UQCC1: variants seen among roughly 807,000 people sequenced by gnomAD.
UQCC1 encodes ubiquinol-cytochrome c reductase complex assembly factor 1, also known as bFGF-repressed Zic-binding protein.
UQCC1 carries 38 observed loss-of-function variants against 48.0 expected under a neutral mutation model. That is an observed-to-expected ratio of 0.79 (90% CI 0.61 to 1.04). The LOEUF is 1.04. UQCC1 is among the 50% of genes least tolerant of loss of function. UQCC1 has a pLI of 0.00. For missense variants in UQCC1, 368 were observed against 381.8 expected (o/e 0.96, Z 0.30); for synonymous variants, 111 against 129.2 (o/e 0.86, Z 0.95).
At chr20:35,384,966 CAAAAAAAAAAA>C (rs57141083) in intron 2 of UQCC1, among the ~76,000 whole-genome samples, 11 of 69,762 alleles carry the variant, frequency 1.6e-4, no homozygotes, top group African/African-American at 6.9e-4. Flanking sequence ...GAATCGGTCT[CAAAAAAAAAAA>C]AAAAAAAAAA....
At chr20:35,379,539 C>T (rs2061841690) in intron 4 of UQCC1, among the ~76,000 whole-genome samples, 4 of 152,204 alleles carry the variant, frequency 2.6e-5, no homozygotes, top group Admixed American at 1.3e-4. Context: ...CGCAGTGGCT[C>T]AATCCTATAA....
chr20:35,379,796 ACT>A (rs1170444731), intron 4 of UQCC1, among the ~76,000 whole-genome samples: 2 of 152,072 alleles, frequency 1.3e-5, no homozygotes, highest in Non-Finnish European at 2.9e-5. Context: ...ACAGAGTGAG[ACT>A]CTGTCTCAAA....
chr20:35,366,970 T>G (rs2061674725), intron 5 of UQCC1, among the ~76,000 whole-genome samples: 1 of 151,692 alleles, frequency 6.6e-6, no homozygotes. Flanking sequence ...GGTGGGCGCC[T>G]GTAATCCCAG....
intron 7 of UQCC1, among the ~76,000 whole-genome samples, chr20:35,341,875 T>TTAA (rs1203977159): frequency 6.6e-6 from 1 of 152,128 alleles, no homozygotes; most frequent in East Asian, 1.9e-4. Flanking sequence ...GTTCACTGAG[T>TTAA]GCTTACTAAG....
chr20:35,386,268 C>A, intron 2 of UQCC1: 1 of 423,880 alleles, frequency 2.4e-6, no homozygotes, highest in Non-Finnish European at 4.6e-6. Context: ...CTCACTAATG[C>A]TATATTACCT....
chr20:35,312,094 C>T (rs1467502060), intron 8 of UQCC1, among the ~76,000 whole-genome samples: 1 of 152,146 alleles, frequency 6.6e-6, no homozygotes, highest in Non-Finnish European at 1.5e-5. Flanking sequence ...ATAGAGCCAC[C>T]TGCAATAAAG....
chr20:35,386,992 A>G (rs940251928), intron 2 of UQCC1, among the ~76,000 whole-genome samples: 2 of 152,048 alleles, frequency 1.3e-5, no homozygotes, highest in African/African-American at 4.8e-5. Context: ...GAAAATATCA[A>G]TAGGCTGGGC....
intron 1 of UQCC1, among the ~76,000 whole-genome samples, chr20:35,402,608 CAAACA>C (rs1482196777): frequency 7.9e-6 from 1 of 126,630 alleles, no homozygotes; most frequent in Non-Finnish European, 1.6e-5. Flanking sequence ...AACAAACAAA[CAAACA>C]AAATATATAT....
At chr20:35,387,850 C>G (rs1484009260) in intron 2 of UQCC1, among the ~76,000 whole-genome samples, 1 of 151,468 alleles carries the variant, frequency 6.6e-6, no homozygotes, top group Non-Finnish European at 1.5e-5. Flanking sequence ...AAAACTTTCC[C>G]AAGCAACAGG....
At chr20:35,342,475 C>T (rs2061391620) in intron 7 of UQCC1, among the ~76,000 whole-genome samples, 1 of 152,220 alleles carries the variant, frequency 6.6e-6, no homozygotes, top group Non-Finnish European at 1.5e-5. Context: ...CACCTGGCTG[C>T]AAACCCAGCA....
chr20:35,329,458 G>C (rs1307985228), intron 7 of UQCC1, among the ~76,000 whole-genome samples: 1 of 152,192 alleles, frequency 6.6e-6, no homozygotes, highest in Non-Finnish European at 1.5e-5. Flanking sequence ...ACCAGCTAAA[G>C]AGAGGACAAT....
At chr20:35,319,052 A>G (rs1348867823) in intron 7 of UQCC1, among the ~76,000 whole-genome samples, 5 of 152,198 alleles carry the variant, frequency 3.3e-5, no homozygotes, top group Non-Finnish European at 5.9e-5. Context: ...GCTTTTCATA[A>G]AAACCCATAC....
At chr20:35,392,112 A>G in intron 2 of UQCC1, 3 of 666,936 alleles carry the variant, frequency 4.5e-6, no homozygotes, top group Admixed American at 4.9e-5. Context: ...CACTGCCTGA[A>G]TATTTCCAGT....
chr20:35,380,861 A>G (rs951946052), intron 4 of UQCC1, among the ~76,000 whole-genome samples: 3 of 152,222 alleles, frequency 2.0e-5, no homozygotes, highest in African/African-American at 7.2e-5. Flanking sequence ...GATGCTTTGC[A>G]TTATACTTAC....
chr20:35,342,422 G>C (rs1273005632), intron 7 of UQCC1, among the ~76,000 whole-genome samples: 1 of 152,206 alleles, frequency 6.6e-6, no homozygotes, highest in Non-Finnish European at 1.5e-5. Context: ...GTCACAAATG[G>C]AAAAATTAAG....
At chr20:35,365,156 AG>A (rs2061651888) in intron 6 of UQCC1, among the ~76,000 whole-genome samples, 1 of 152,204 alleles carries the variant, frequency 6.6e-6, no homozygotes, top group Non-Finnish European at 1.5e-5. Context: ...TAGAAGTATA[AG>A]GGTTTTGATA....
intron 7 of UQCC1, among the ~76,000 whole-genome samples, chr20:35,338,671 C>T (rs961926912): frequency 6.7e-6 from 1 of 150,314 alleles, no homozygotes; most frequent in African/African-American, 2.5e-5. Context: ...CATGCTGAAA[C>T]CCCGTCTCTA....
At chr20:35,409,901 G>T (rs2062321007) in intron 1 of UQCC1, among the ~76,000 whole-genome samples, 1 of 152,046 alleles carries the variant, frequency 6.6e-6, no homozygotes, top group African/African-American at 2.4e-5. Flanking sequence ...CGCCTCCTGG[G>T]TTGAAGCAAT....
intron 7 of UQCC1, among the ~76,000 whole-genome samples, chr20:35,331,734 G>A (rs2061259341): frequency 6.6e-6 from 1 of 152,192 alleles, no homozygotes; most frequent in Admixed American, 6.5e-5. Flanking sequence ...CTCATGCCAG[G>A]CAGAACAGGA....
Sources: allele counts gnomAD v4.1 joint callset (sites outside exome capture counted in the v4.1 genomes callset), GRCh38; gene constraint gnomAD v4.1.1; transcripts MANE v1.5; gene names NCBI Gene and HGNC (gene_info 2026-07-23, HGNC 2026-07-21).